The following WWOX variants were observed in gnomAD, a reference collection of about 807,000 sequenced individuals.
The protein encoded by WWOX is WW domain containing oxidoreductase.
A neutral mutation model predicts 46.2 loss-of-function variants in WWOX; 69 were observed. The observed-to-expected ratio is 1.49, with a 90% CI of 1.23 to 1.82. WWOX has a LOEUF of 1.82. WWOX is among the 40% of genes most tolerant of loss of function. The probability of loss-of-function intolerance (pLI) is 0.00; values close to 1 mark genes in which losing one functional copy is unlikely to be tolerated. For synonymous variants in WWOX, 359 were observed against 202.6 expected (o/e 1.77, Z -6.56); for missense variants, 919 against 542.6 (o/e 1.69, Z -6.89).
chr16:78,653,077 G>T (rs531805846), intron 8 of WWOX, among the ~76,000 whole-genome samples: 1 of 151,800 alleles, frequency 6.6e-6, no homozygotes, highest in Non-Finnish European at 1.5e-5. Flanking sequence ...ATATTTTGTT[G>T]CATGTTCTTT....
At chr16:78,382,063 T>C (rs556733797) in intron 5 of WWOX, among the ~76,000 whole-genome samples, 1 of 152,228 alleles carries the variant, frequency 6.6e-6, no homozygotes, top group Non-Finnish European at 1.5e-5. Context: ...CATATTCATA[T>C]GTCTTTGTGA....
chr16:78,923,753 A>C (rs1043312309), intron 8 of WWOX, among the ~76,000 whole-genome samples: 1 of 150,436 alleles, frequency 6.6e-6, no homozygotes, highest in Non-Finnish European at 1.5e-5. Context: ...AAGTTTCACA[A>C]GTGATGATCT....
chr16:78,923,783 G>GT (rs1397911681), intron 8 of WWOX, among the ~76,000 whole-genome samples: 3 of 121,504 alleles, frequency 2.5e-5, no homozygotes, highest in Non-Finnish European at 3.4e-5. Context: ...GCTAGGAACT[G>GT]TTTTTAGTTA....
At chr16:78,528,771 C>A (rs186623994) in intron 8 of WWOX, among the ~76,000 whole-genome samples, 2 of 152,040 alleles carry the variant, frequency 1.3e-5, no homozygotes, top group Non-Finnish European at 2.9e-5. Context: ...AATGAAAAGG[C>A]CTATTTGTTT....
At chr16:78,549,238 T>G (rs945984143) in intron 8 of WWOX, among the ~76,000 whole-genome samples, 1 of 152,174 alleles carries the variant, frequency 6.6e-6, no homozygotes. Context: ...TTAATAGCTT[T>G]CCTGCCAGCC....
chr16:78,327,869 A>ATTT (rs762650030), intron 5 of WWOX, among the ~76,000 whole-genome samples: 38 of 81,096 alleles, frequency 4.7e-4, no homozygotes, highest in African/African-American at 1.4e-3. Flanking sequence ...ATGAGTCCTG[A>ATTT]TTTTTTTTTT....
At chr16:78,605,010 T>G (rs1597336585) in intron 8 of WWOX, among the ~76,000 whole-genome samples, 1 of 121,146 alleles carries the variant, frequency 8.3e-6, no homozygotes, top group Admixed American at 8.7e-5. Context: ...CCTTCCCTTT[T>G]TCCCTCCCTC....
chr16:78,954,414 G>C (rs76989298), intron 8 of WWOX, among the ~76,000 whole-genome samples: 1,695 of 152,318 alleles, frequency 0.011, 27 homozygotes, highest in African/African-American at 0.038. Context: ...ATGGATGAAT[G>C]AGTAGTTGGA....
intron 1 of WWOX, among the ~76,000 whole-genome samples, chr16:78,100,732 A>G (rs533035642): frequency 6.6e-6 from 1 of 152,346 alleles, no homozygotes; most frequent in African/African-American, 2.4e-5. Flanking sequence ...CACTGTGCGT[A>G]AAGCACATAG....
At chr16:78,471,265 A>G (rs1474912060) in intron 8 of WWOX, among the ~76,000 whole-genome samples, 1 of 152,214 alleles carries the variant, frequency 6.6e-6, no homozygotes, top group Non-Finnish European at 1.5e-5. Context: ...TGAGCTGCTA[A>G]TAAACATTCT....
chr16:79,187,942 C>T (rs976004445), intron 8 of WWOX, among the ~76,000 whole-genome samples: 6 of 152,200 alleles, frequency 3.9e-5, no homozygotes, highest in African/African-American at 1.4e-4. Context: ...TGGCAAGGCA[C>T]GATTGATAAT....
intron 8 of WWOX, among the ~76,000 whole-genome samples, chr16:78,616,460 T>G (rs950489324): frequency 6.6e-6 from 1 of 151,876 alleles, no homozygotes; most frequent in Non-Finnish European, 1.5e-5. Context: ...CTCTGGGGTA[T>G]CTTTTAAAAG....
At chr16:79,157,183 A>G (rs16949733) in intron 8 of WWOX, among the ~76,000 whole-genome samples, 15,733 of 152,290 alleles carry the variant, frequency 0.1, 1,021 homozygotes, top group Non-Finnish European at 0.15. Flanking sequence ...AATTGTGACT[A>G]TGAATTCCAA....
At chr16:78,324,007 C>T (rs2080551599) in intron 5 of WWOX, among the ~76,000 whole-genome samples, 1 of 152,106 alleles carries the variant, frequency 6.6e-6, no homozygotes, top group Non-Finnish European at 1.5e-5. Flanking sequence ...CTTCACTTTC[C>T]CCTATGAGAT....
At chr16:79,057,097 T>A (rs1034687974) in intron 8 of WWOX, among the ~76,000 whole-genome samples, 5 of 152,226 alleles carry the variant, frequency 3.3e-5, no homozygotes, top group African/African-American at 1.2e-4. Context: ...CTTAACCCAC[T>A]AATCTGTTAT....
intron 8 of WWOX, among the ~76,000 whole-genome samples, chr16:78,781,661 C>T (rs898549262): frequency 2.6e-5 from 4 of 152,118 alleles, no homozygotes; most frequent in Non-Finnish European, 5.9e-5. Context: ...GTGGCTCATG[C>T]CTCTAATCCT....
chr16:78,711,028 A>G (rs138868388), intron 8 of WWOX, among the ~76,000 whole-genome samples: 246 of 152,354 alleles, frequency 1.6e-3, no homozygotes, highest in African/African-American at 5.7e-3. Flanking sequence ...GCCAGATTTC[A>G]GGACCTAACC....
At chr16:78,570,412 G>A (rs1400963009) in intron 8 of WWOX, among the ~76,000 whole-genome samples, 3 of 152,118 alleles carry the variant, frequency 2.0e-5, no homozygotes, top group Admixed American at 6.5e-5. Flanking sequence ...GGGCTGAAGC[G>A]ATCCTCATGC....
At chr16:78,831,101 G>C (rs951734143) in intron 8 of WWOX, among the ~76,000 whole-genome samples, 1 of 152,192 alleles carries the variant, frequency 6.6e-6, no homozygotes, top group Non-Finnish European at 1.5e-5. Flanking sequence ...GCCCTCCAGA[G>C]CTTGCAGCTA....
Sources: gnomAD v4.1 joint callset for allele counts (sites outside exome capture counted in the v4.1 genomes callset) on GRCh38, gnomAD v4.1.1 for gene constraint, MANE v1.5 for transcripts, NCBI Gene and HGNC (gene_info 2026-07-23, HGNC 2026-07-21) for gene names.